PTPRC: variants seen among roughly 807,000 people sequenced by gnomAD.
PTPRC encodes protein tyrosine phosphatase receptor type C.
A neutral mutation model predicts 155.9 loss-of-function variants in PTPRC; 44 were observed. That is an observed-to-expected ratio of 0.28 (90% CI 0.22 to 0.36). PTPRC has a LOEUF of 0.36. PTPRC is among the 10% of genes least tolerant of loss of function. The probability of loss-of-function intolerance (pLI) is 1.00; values close to 1 mark genes in which losing one functional copy is unlikely to be tolerated. For synonymous variants in PTPRC, 525 were observed against 533.1 expected (o/e 0.98, Z 0.21); for missense variants, 1,401 against 1,564.6 (o/e 0.90, Z 1.76).
chr1:198,718,212 A>G lies in PTPRC; in HGVS notation c.1569A>G (p.Glu523=). The G allele has an allele frequency of 6.2e-7, 1 of 1,614,130 alleles. No homozygotes were observed. ...GPHERYHLEV[E]AGNTLVRNES... is the part of the protein sequence containing the mutation. ...ATGAACGTTACCATTTGGAAGTTGA[A>G]GCTGGAAATACTCTGGTTAGAAATG... Residue 523 remains glutamate, a synonymous_variant, in exon 14 of 33, where the codon GAA becomes GAG. Coordinates refer to ENST00000442510, the MANE Select transcript of PTPRC (RefSeq NM_002838.5).
At chr1:198,664,536 A>G (rs928526399) in intron 2 of PTPRC, among the ~76,000 whole-genome samples, 1 of 152,164 alleles carries the variant, frequency 6.6e-6, no homozygotes, top group African/African-American at 2.4e-5. Context: ...TTCTTTCTCA[A>G]CTACCATTTT....
intron 2 of PTPRC, among the ~76,000 whole-genome samples, chr1:198,650,834 G>T (rs1663207524): frequency 2.0e-5 from 3 of 151,782 alleles, no homozygotes; most frequent in South Asian, 4.1e-4. Context: ...GGAAAAGATA[G>T]TGAGAAGAGG....
intron 25 of PTPRC, among the ~76,000 whole-genome samples, chr1:198,743,313 T>A (rs575901994): frequency 1.5e-4 from 23 of 151,578 alleles, no homozygotes; most frequent in African/African-American, 4.4e-4. Flanking sequence ...TTATGTGATT[T>A]AAAAAAAACA....
chr1:198,650,789 A>T (rs979999890), intron 2 of PTPRC, among the ~76,000 whole-genome samples: 5 of 151,842 alleles, frequency 3.3e-5, no homozygotes, highest in African/African-American at 1.2e-4. Context: ...AGCCTTGGGA[A>T]ACTTCATATT....
At chr1:198,682,693 A>C (rs1402560299) in intron 2 of PTPRC, among the ~76,000 whole-genome samples, 2 of 151,234 alleles carry the variant, frequency 1.3e-5, no homozygotes, top group East Asian at 3.8e-4. Flanking sequence ...ACATAATATA[A>C]TCATAACTTT....
intron 31 of PTPRC, among the ~76,000 whole-genome samples, chr1:198,753,959 T>C (rs1403548414): frequency 6.6e-6 from 1 of 152,096 alleles, no homozygotes; most frequent in Non-Finnish European, 1.5e-5. Context: ...GGCATTCTGA[T>C]ATTGGTTTCA....
chr1:198,752,400 C>T lies in PTPRC; in HGVS notation c.3330+29C>T, dbSNP rs376343303. On this transcript the variant is annotated intron_variant, in intron 30 of 32. Transcript: ENST00000442510. ...TGGAAACAATTTGGGGAGTATATTT[C>T]TTTGATATAATGGATCTGGTAGCAA... The T allele has an allele frequency of 1.9e-6, 3 of 1,610,174 alleles. No homozygotes were observed. In the African/African-American group the frequency reaches 4.0e-5, roughly 22 times the overall value.
chr1:198,666,684 A>G (rs1664329122), intron 2 of PTPRC, among the ~76,000 whole-genome samples: 1 of 152,208 alleles, frequency 6.6e-6, no homozygotes. Context: ...TTACTCTACA[A>G]GCAAAGCAAT....
At chr1:198,697,859 T>A (rs940119050) in intron 4 of PTPRC, among the ~76,000 whole-genome samples, 1 of 152,196 alleles carries the variant, frequency 6.6e-6, no homozygotes, top group African/African-American at 2.4e-5. Context: ...GTTTATTGGA[T>A]ATAGTAAGCA....
chr1:198,735,652 T>TAAG (rs1179928335), intron 23 of PTPRC, among the ~76,000 whole-genome samples: 1 of 151,644 alleles, frequency 6.6e-6, no homozygotes, highest in Non-Finnish European at 1.5e-5. Flanking sequence ...GAGAACACTG[T>TAAG]AAGAAGTATA....
chr1:198,649,875 T>C (rs1052537932), intron 2 of PTPRC, among the ~76,000 whole-genome samples: 1 of 151,894 alleles, frequency 6.6e-6, no homozygotes, highest in Admixed American at 6.6e-5. Flanking sequence ...ACTTCAGTTA[T>C]AGATAAATGC....
At chr1:198,751,355 C>T (rs561928475) in intron 29 of PTPRC, among the ~76,000 whole-genome samples, 13 of 151,140 alleles carry the variant, frequency 8.6e-5, no homozygotes, top group South Asian at 8.3e-4. Flanking sequence ...GGTGGTAGAT[C>T]TCACTCAGCT....
At chr1:198,697,149 G>C (rs1666242236) in intron 4 of PTPRC, among the ~76,000 whole-genome samples, 1 of 152,152 alleles carries the variant, frequency 6.6e-6, no homozygotes, top group African/African-American at 2.4e-5. Flanking sequence ...GGACAATCAG[G>C]AGGGGAAATT....
At chr1:198,749,011 A>G (rs1270775756) in intron 27 of PTPRC, among the ~76,000 whole-genome samples, 5 of 151,668 alleles carry the variant, frequency 3.3e-5, no homozygotes, top group Admixed American at 3.3e-4. Flanking sequence ...AATCAAAGCT[A>G]CCCATATAAG....
At position 198,709,878 on chromosome 1, in the gene PTPRC, A is replaced by G. The variant is rs765749674; in HGVS notation, c.1171+54A>G. Reference sequence around the variant, plus strand: ...AAATTGCTTCTCTCTTCATGTTCTTATAATTATTTGAGAATCATAGGAAAT... The same window carrying G: ...AAATTGCTTCTCTCTTCATGTTCTTGTAATTATTTGAGAATCATAGGAAAT... On this transcript the variant is annotated intron_variant, in intron 11 of 32. Coordinates refer to ENST00000442510, the MANE Select transcript of PTPRC (RefSeq NM_002838.5). The G allele has an allele frequency of 2.5e-4, 395 of 1,587,328 alleles. 2 individuals carry two copies. Among genetic ancestry groups the G allele is most frequent in the Non-Finnish European group, 3.1e-4 (363 of 1,163,126 alleles).
chr1:198,641,842 T>TGAA (rs1334258843), intron 2 of PTPRC, among the ~76,000 whole-genome samples: 1 of 152,046 alleles, frequency 6.6e-6, no homozygotes, highest in Non-Finnish European at 1.5e-5. Flanking sequence ...ACTCATTTCC[T>TGAA]GGACATAATT....
chr1:198,710,800 A>G (rs1653258779), intron 11 of PTPRC, among the ~76,000 whole-genome samples: 1 of 152,218 alleles, frequency 6.6e-6, no homozygotes, highest in Non-Finnish European at 1.5e-5. Context: ...GAATTTGTTT[A>G]TTAATGATAA....
At chr1:198,753,730 T>C (rs976679680) in intron 31 of PTPRC, among the ~76,000 whole-genome samples, 1 of 152,090 alleles carries the variant, frequency 6.6e-6, no homozygotes, top group Non-Finnish European at 1.5e-5. Context: ...TACTTCTCAT[T>C]GTTTGGTAAA....
intron 2 of PTPRC, among the ~76,000 whole-genome samples, chr1:198,659,466 C>T (rs570739940): frequency 2.6e-5 from 4 of 151,710 alleles, no homozygotes; most frequent in East Asian, 1.9e-4. Context: ...TTTGAGGACA[C>T]GATAGTTCGG....
Sources: allele counts gnomAD v4.1 joint callset (sites outside exome capture counted in the v4.1 genomes callset), GRCh38; gene constraint gnomAD v4.1.1; transcripts MANE v1.5; gene names NCBI Gene and HGNC (gene_info 2026-07-23, HGNC 2026-07-21).